The following PMPCB variants were observed in gnomAD, a reference collection of about 807,000 sequenced individuals.
PMPCB encodes the protein mitochondrial-processing peptidase subunit beta.
In PMPCB, 46 loss-of-function variants were observed where a neutral mutation model predicts 61.5. The observed-to-expected ratio is 0.75, with a 90% confidence interval of 0.59 to 0.96. PMPCB has a LOEUF of 0.96. Ranked by LOEUF, PMPCB falls within the 40% of genes least tolerant of loss-of-function variation. The probability of loss-of-function intolerance (pLI) is 0.00; values close to 1 mark genes in which losing one functional copy is unlikely to be tolerated. For synonymous variants in PMPCB, 191 were observed against 201.6 expected, an observed-to-expected ratio of 0.95 and a Z score of 0.44; for missense variants, 590 against 602.4, an observed-to-expected ratio of 0.98 and a Z score of 0.22.
downstream of PMPCB, among the ~76,000 whole-genome samples, chr7:103,318,212 T>C (rs1019012807): frequency 1.3e-5 from 2 of 151,944 alleles, no homozygotes; most frequent in African/African-American, 4.8e-5. Flanking sequence ...GTTGCCCAGG[T>C]TGGAGTGCAC....
chr7:103,304,626 G>A (rs548821590), intron 6 of PMPCB, 136 bp downstream of exon 6: 2 of 671,010 alleles, frequency 3.0e-6, no homozygotes, highest in African/African-American at 3.6e-5. Context: ...TAAGGGGAAT[G>A]TGGAGCACTG....
At chr7:103,345,571 T>G in the PMPCB span, among the ~76,000 whole-genome samples, 1 of 151,142 alleles carries the variant, frequency 6.6e-6, no homozygotes, top group African/African-American at 2.4e-5. Flanking sequence ...ACTTACTAAT[T>G]TCATTATATT....
At chr7:103,330,242 A>G (rs1427479594), downstream of PMPCB, among the ~76,000 whole-genome samples, 1 of 152,182 alleles carries the variant, frequency 6.6e-6, no homozygotes, top group Non-Finnish European at 1.5e-5. Flanking sequence ...CTATGTGTTC[A>G]TGAACACTAT....
intron 12 of PMPCB, chr7:103,327,251 AG>A (rs1818755331): frequency 1.3e-5 from 9 of 710,964 alleles, no homozygotes; most frequent in South Asian, 1.1e-4. Flanking sequence ...AAAACATCTA[AG>A]GAACAGTTTA....
the PMPCB span, among the ~76,000 whole-genome samples, chr7:103,341,529 C>G: frequency 6.6e-6 from 1 of 152,190 alleles, no homozygotes; most frequent in Non-Finnish European, 1.5e-5. Flanking sequence ...GCTGCCTGTC[C>G]TTTTAAGACC....
chr7:103,336,987 C>G, the PMPCB span: 1 of 152,204 alleles, frequency 6.6e-6, no homozygotes, highest in Non-Finnish European at 1.5e-5. Context: ...GGCCCTGACT[C>G]CCTGCTCCTT....
In PMPCB at chr7:103,313,735, A is replaced by G; in HGVS notation, c.*1464A>G. On this transcript the variant is annotated 3_prime_UTR_variant, in exon 13 of 13. Transcript: ENST00000249269. Reference sequence around the variant, plus strand: ...TAACTGCTATTGTGGTTCTTCAACTAAACCTTGTATATTTCAGAAAACATC... The same window carrying G: ...TAACTGCTATTGTGGTTCTTCAACTGAACCTTGTATATTTCAGAAAACATC... The G allele has an allele frequency of 2.0e-6, 2 of 985,292 alleles. No homozygotes were observed. The highest frequency in any genetic ancestry group is 9.4e-5 in the South Asian group (2 of 21,290). 61.0% of individuals were successfully genotyped at this position (985,292 alleles called of 1,614,324 possible).
Position 103,301,956 on chromosome 7 carries a change from A to G in PMPCB, c.457+1649A>G, listed in dbSNP as rs191323071. ...CCTAACGCTATCCCTCCCTGCTCCCACCACCCCACGACAGGCTCCGGTGTG... is the reference window on the plus strand; with the variant it reads ...CCTAACGCTATCCCTCCCTGCTCCCGCCACCCCACGACAGGCTCCGGTGTG... On this transcript the variant is annotated intron_variant, in intron 4 of 12. Coordinates refer to ENST00000249269, the MANE Select transcript of PMPCB (RefSeq NM_004279.3). Among the ~76,000 whole-genome samples, 507 of 152,030 alleles carry G rather than the reference A, an allele frequency of 3.3e-3. 4 individuals are homozygous for G. The highest frequency in any genetic ancestry group is 0.011 in the African/African-American group (463 of 41,456).
chr7:103,334,211 A>G (rs1055553096), downstream of PMPCB, among the ~76,000 whole-genome samples: 20 of 151,752 alleles, frequency 1.3e-4, no homozygotes, highest in Non-Finnish European at 2.8e-4. Context: ...TTGGCCTCCC[A>G]AAGTGCTGGG....
the PMPCB span, among the ~76,000 whole-genome samples, chr7:103,338,680 G>A: frequency 6.6e-6 from 1 of 151,894 alleles, no homozygotes; most frequent in Non-Finnish European, 1.5e-5. Flanking sequence ...GGGAGGCTGA[G>A]GTGGGTGGAT....
downstream of PMPCB, among the ~76,000 whole-genome samples, chr7:103,330,423 G>T (rs1240870198): frequency 6.6e-6 from 1 of 151,698 alleles, no homozygotes; most frequent in African/African-American, 2.4e-5. Context: ...AAGTGGCTGG[G>T]ATTACAGGTG....
the PMPCB span, among the ~76,000 whole-genome samples, chr7:103,341,549 A>C: frequency 6.6e-6 from 1 of 152,180 alleles, no homozygotes; most frequent in African/African-American, 2.4e-5. Flanking sequence ...CGGTGCAAAC[A>C]TTATCTTTTC....
the PMPCB span, chr7:103,335,743 A>G: frequency 6.6e-6 from 1 of 152,234 alleles, no homozygotes; most frequent in East Asian, 1.9e-4. Flanking sequence ...ATGGGGTTTC[A>G]CCACATTGGC....
At chr7:103,328,001 AC>A (rs1302697818) in intron 12 of PMPCB, among the ~76,000 whole-genome samples, 1 of 151,906 alleles carries the variant, frequency 6.6e-6, no homozygotes, top group Non-Finnish European at 1.5e-5. Context: ...GCTCACTGCA[AC>A]CTCCGCCTCC....
chr7:103,312,062 A>G lies in PMPCB; in HGVS notation c.1336A>G (p.Asn446Asp), dbSNP rs144744182. ...AGTGTCTTCCATATTTCAGGCTGTGAATGCTGAGACAATTCGAGAAGTATG... is the reference window on the plus strand; with the variant it reads ...AGTGTCTTCCATATTTCAGGCTGTGGATGCTGAGACAATTCGAGAAGTATG... ...PELEARIDAV[N>D]AETIREVCTK... Residue 446 changes from asparagine to aspartate, a missense_variant, in exon 12 of 13, where the codon AAT becomes GAT. Asn to Asp is a conservative substitution (Grantham distance 23). Transcript: ENST00000249269. The G allele has an allele frequency of 2.5e-3, 4,017 of 1,613,444 alleles. 10 individuals carry two copies. Among genetic ancestry groups the G allele is most frequent in the Non-Finnish European group, 3.0e-3 (3,568 of 1,179,664 alleles).
intron 12 of PMPCB, among the ~76,000 whole-genome samples, chr7:103,324,135 T>C (rs995330319): frequency 1.3e-5 from 2 of 152,216 alleles, no homozygotes; most frequent in African/African-American, 4.8e-5. Context: ...CCACTAACTA[T>C]TGCGCATATT....
chr7:103,304,548 T>C (rs1047934798), intron 6 of PMPCB, 58 bp downstream of exon 6: 1 of 1,112,516 alleles, frequency 9.0e-7, no homozygotes, highest in African/African-American at 1.5e-5. Flanking sequence ...GTGGTATGCT[T>C]ATTAGTTTGA....
Position 103,312,900 on chromosome 7 carries a change from A to G in PMPCB, c.*629A>G, listed in dbSNP as rs760697164. The G allele has an allele frequency of 1.3e-6, 2 of 1,580,346 alleles. No homozygotes were observed. The highest frequency in any genetic ancestry group is 1.9e-5 in the Admixed American group (1 of 51,846). On this transcript the variant is annotated 3_prime_UTR_variant, in exon 13 of 13. Coordinates refer to ENST00000249269, the MANE Select transcript of PMPCB (RefSeq NM_004279.3). Reference sequence around the variant, plus strand: ...CATAAAATATGAGCTATATCACCCAAGCTACAATTTAAAATACAACAATCT... The same window carrying G: ...CATAAAATATGAGCTATATCACCCAGGCTACAATTTAAAATACAACAATCT...
At chr7:103,335,328 A>C in the PMPCB span, 1 of 152,226 alleles carries the variant, frequency 6.6e-6, no homozygotes, top group Non-Finnish European at 1.5e-5. Flanking sequence ...ATAGATTTTC[A>C]GAAAGCAATG....
Sources: allele counts gnomAD v4.1 joint callset (sites outside exome capture counted in the v4.1 genomes callset), GRCh38; gene constraint gnomAD v4.1.1; transcripts MANE v1.5; gene names NCBI Gene and HGNC (gene_info 2026-07-23, HGNC 2026-07-21).